Variants in TNFAIP8L3 observed in about 807,000 individuals in gnomAD.
TNFAIP8L3 encodes the protein TNF alpha induced protein 8 like 3, also known as tumor necrosis factor alpha-induced protein 8-like protein 3.
A neutral mutation model predicts 11.8 loss-of-function variants in TNFAIP8L3; 7 were observed. The observed-to-expected ratio is 0.59, with a 90% CI of 0.34 to 1.11. TNFAIP8L3 has a LOEUF of 1.11. Among genes scored for constraint, TNFAIP8L3 ranks in the 50% most tolerant of loss-of-function variants. The pLI, the probability that TNFAIP8L3 is intolerant of heterozygous loss-of-function variation, is 0.03. For synonymous variants in TNFAIP8L3, 98 were observed against 103.8 expected, an observed-to-expected ratio of 0.94 and a Z score of 0.34; for missense variants, 219 against 258.6, an observed-to-expected ratio of 0.85 and a Z score of 1.05.
chr15:51,071,831 C>T (rs571731432), intron 1 of TNFAIP8L3, among the ~76,000 whole-genome samples: 60 of 152,328 alleles, frequency 3.9e-4, no homozygotes, highest in African/African-American at 1.0e-3. Context: ...CTCATCAACA[C>T]TTCAAATCAT....
At chr15:51,075,479 G>A (rs1278136284) in intron 1 of TNFAIP8L3, among the ~76,000 whole-genome samples, 3 of 152,136 alleles carry the variant, frequency 2.0e-5, no homozygotes, top group Non-Finnish European at 4.4e-5. Flanking sequence ...GTCGGGCTTG[G>A]AATAGCACAG....
chr15:51,078,903 T>A (rs923388031), intron 1 of TNFAIP8L3, among the ~76,000 whole-genome samples: 10 of 152,170 alleles, frequency 6.6e-5, no homozygotes, highest in African/African-American at 2.4e-4. Context: ...CAGACCCTCA[T>A]GGTTTCTTCC....
intron 1 of TNFAIP8L3, among the ~76,000 whole-genome samples, chr15:51,092,497 G>A (rs2065478855): frequency 6.6e-6 from 1 of 152,234 alleles, no homozygotes. Context: ...TATAATGCGT[G>A]AGACTGACTG....
At chr15:51,102,175 C>T (rs955101098) in intron 1 of TNFAIP8L3, among the ~76,000 whole-genome samples, 2 of 151,914 alleles carry the variant, frequency 1.3e-5, no homozygotes, top group East Asian at 1.9e-4. Context: ...TGTCCAAGTC[C>T]TGGGAGTGGC....
intron 1 of TNFAIP8L3, among the ~76,000 whole-genome samples, chr15:51,084,254 A>T (rs1226860018): frequency 2.6e-5 from 4 of 152,174 alleles, no homozygotes; most frequent in Admixed American, 6.5e-5. Context: ...ATCACAGATT[A>T]TTGAGCCTTC....
intron 1 of TNFAIP8L3, 127 bp from the exon 2 acceptor site, chr15:51,058,570 C>T (rs1369678918): frequency 2.6e-5 from 22 of 851,776 alleles, no homozygotes; most frequent in Admixed American, 9.5e-5. Context: ...TATATTCCCT[C>T]GCTCCCTAAC....
chr15:51,089,640 G>A (rs1360404908), intron 1 of TNFAIP8L3, among the ~76,000 whole-genome samples: 1 of 152,186 alleles, frequency 6.6e-6, no homozygotes, highest in Non-Finnish European at 1.5e-5. Context: ...AAAACACTGA[G>A]GGAAAGCCTT....
upstream of TNFAIP8L3, among the ~76,000 whole-genome samples, chr15:51,096,891 C>CAAAAA (rs56057102): frequency 3.2e-4 from 31 of 98,192 alleles, no homozygotes; most frequent in Non-Finnish European, 4.4e-4. Context: ...CACGCTGTCT[C>CAAAAA]AAAAAAAAAA....
intron 1 of TNFAIP8L3, among the ~76,000 whole-genome samples, chr15:51,073,290 C>T (rs1219580362): frequency 6.6e-6 from 1 of 152,160 alleles, no homozygotes; most frequent in Admixed American, 6.5e-5. Context: ...GCCACCACGC[C>T]CAGCCTAAAC....
intron 1 of TNFAIP8L3, among the ~76,000 whole-genome samples, chr15:51,100,640 T>G (rs963272177): frequency 1.3e-5 from 2 of 152,176 alleles, no homozygotes; most frequent in Non-Finnish European, 2.9e-5. Context: ...TGGGGTCTTA[T>G]GAACATCTGG....
intron 1 of TNFAIP8L3, among the ~76,000 whole-genome samples, chr15:51,079,087 T>G (rs2140973855): frequency 6.6e-6 from 1 of 152,328 alleles, no homozygotes; most frequent in East Asian, 1.9e-4. Context: ...ACCAGGCCAC[T>G]GAACTGACAT....
chr15:51,060,992 C>T (rs952607161), intron 1 of TNFAIP8L3, among the ~76,000 whole-genome samples: 2 of 152,102 alleles, frequency 1.3e-5, no homozygotes, highest in African/African-American at 2.4e-5. Context: ...AAAAATTAGC[C>T]AGGCATGATG....
rs1000819749 is a variant in TNFAIP8L3, at chr15:51,094,029, C to A, written c.52+515G>T. ...GGCAGCGATGGACCCTGTGCATGGG[C>A]TCTCCTAGCAGCCTCGGGAACCGCG... On this transcript the variant is annotated intron_variant, in intron 1 of 1. Transcript: ENST00000637513. This position sits in a 1 kb window ranked among gnomAD's most constrained non-coding sequence, Gnocchi z 4.4. Among the ~76,000 whole-genome samples the A allele has an allele frequency of 1.3e-5, 2 of 152,080 alleles. No individual in the cohort carries two copies. The highest frequency in any genetic ancestry group is 1.9e-4 in the East Asian group (1 of 5,152).
In TNFAIP8L3 at chr15:51,094,439, G is replaced by C. The variant is rs2065495710; in HGVS notation, c.52+105C>G. 7.9e-7 allele frequency: 1 copy of C among 1,260,272 alleles called. No homozygotes were observed. 78.1% of individuals were successfully genotyped at this position (1,260,272 alleles called of 1,614,324 possible). ...GCGGAGCAATCCCCAGTCTTGGCCT[G>C]GAAGGGGTCGGGCTGCTGAGGATCG... On this transcript the variant is annotated intron_variant, in intron 1 of 1. Transcript: ENST00000637513. The surrounding 1 kb of genome is among the most constrained non-coding windows in gnomAD (Gnocchi z 4.4).
At chr15:51,071,836 A>G (rs1486305364) in intron 1 of TNFAIP8L3, among the ~76,000 whole-genome samples, 1 of 152,190 alleles carries the variant, frequency 6.6e-6, no homozygotes, top group Non-Finnish European at 1.5e-5. Flanking sequence ...CAACACTTCA[A>G]ATCATCCAAC....
chr15:51,104,963 C>T (rs1180691367), intron 1 of TNFAIP8L3: 2 of 1,613,450 alleles, frequency 1.2e-6, no homozygotes, highest in Non-Finnish European at 1.7e-6. Context: ...GCCTCCCCGC[C>T]CCTATACTTC....
chr15:51,091,774 T>C (rs2065472710), intron 1 of TNFAIP8L3, among the ~76,000 whole-genome samples: 3 of 151,418 alleles, frequency 2.0e-5, no homozygotes, highest in Non-Finnish European at 2.9e-5. Flanking sequence ...TCAAAACAAA[T>C]CTCTTTAGGC....
At chr15:51,082,938 G>C (rs1177438477) in intron 1 of TNFAIP8L3, among the ~76,000 whole-genome samples, 1 of 152,162 alleles carries the variant, frequency 6.6e-6, no homozygotes, top group Non-Finnish European at 1.5e-5. Context: ...AAGGAGTAAG[G>C]ATAAATCATT....
chr15:51,102,229 A>G (rs1165712026), intron 1 of TNFAIP8L3, among the ~76,000 whole-genome samples: 2 of 152,140 alleles, frequency 1.3e-5, no homozygotes, highest in Non-Finnish European at 2.9e-5. Context: ...CCAGACAGGC[A>G]TGCTTTCATC....
Sources: gnomAD v4.1 joint callset for allele counts (sites outside exome capture counted in the v4.1 genomes callset) on GRCh38, gnomAD v4.1.1 for gene constraint, Gnocchi (gnomAD v3.1) non-coding constraint, MANE v1.5 for transcripts, NCBI Gene and HGNC (gene_info 2026-07-23, HGNC 2026-07-21) for gene names.